RNF14: variants seen among roughly 807,000 people sequenced by gnomAD.
RNF14 encodes the protein ring finger protein 14.
In RNF14, 26 loss-of-function variants were observed where a neutral mutation model predicts 52.6. That is an observed-to-expected ratio of 0.49 (90% CI 0.36 to 0.69). RNF14 has a LOEUF of 0.69. RNF14 is among the 30% of genes least tolerant of loss of function. The pLI, the probability that RNF14 is intolerant of heterozygous loss-of-function variation, is 0.00. For synonymous variants in RNF14, 194 were observed against 202.0 expected, an observed-to-expected ratio of 0.96 and a Z score of 0.34; for missense variants, 404 against 560.4, an observed-to-expected ratio of 0.72 and a Z score of 2.82.
At chr5:141,980,015 T>G in intron 5 of RNF14, 108 bp from the exon 6 acceptor site, 1 of 821,848 alleles carries the variant, frequency 1.2e-6, no homozygotes, top group Non-Finnish European at 2.0e-6. Context: ...GAAAGAGAGG[T>G]TTTAATTTAT....
intron 1 of RNF14, among the ~76,000 whole-genome samples, chr5:141,960,207 G>T (rs991786959): frequency 1.3e-5 from 2 of 152,146 alleles, no homozygotes; most frequent in Admixed American, 1.3e-4. Context: ...TATCCGCCCC[G>T]CAATCGTCCC....
chr5:141,975,439 CAAAT>C (rs1561548407), intron 4 of RNF14, among the ~76,000 whole-genome samples: 3 of 152,092 alleles, frequency 2.0e-5, no homozygotes, highest in African/African-American at 7.2e-5. Context: ...GTATTAATAA[CAAAT>C]AACAGTCAAC....
chr5:141,980,086 A>C (rs1187021032), intron 5 of RNF14, 37 bp from the exon 6 acceptor site: 1 of 1,555,890 alleles, frequency 6.4e-7, no homozygotes, highest in Non-Finnish European at 8.9e-7. Flanking sequence ...CTGGTTGTGG[A>C]ATCATCAAAC....
upstream of RNF14, chr5:141,955,274 G>A (rs760027626): frequency 1.9e-5 from 30 of 1,614,066 alleles, no homozygotes; most frequent in Middle Eastern, 1.6e-4. The surrounding 1 kb of genome is among the most constrained non-coding windows in gnomAD (Gnocchi z 5.5). Flanking sequence ...AGGTTCTCCC[G>A]GGAGGCATTC....
At chr5:141,974,726 T>G (rs1754091698) in intron 3 of RNF14, 78 bp from the exon 4 acceptor site, 3 of 1,377,094 alleles carry the variant, frequency 2.2e-6, no homozygotes, top group Non-Finnish European at 3.0e-6. Context: ...CATTAAGTCT[T>G]TCTTGAGCGC....
upstream of RNF14, among the ~76,000 whole-genome samples, chr5:141,961,853 T>A (rs551628654): frequency 3.9e-5 from 6 of 152,224 alleles, no homozygotes; most frequent in African/African-American, 1.4e-4. Flanking sequence ...CCAGGCCAGC[T>A]GAATGAAGGC....
At chr5:141,959,409 A>G (rs1163171631) in intron 1 of RNF14, among the ~76,000 whole-genome samples, 1 of 152,104 alleles carries the variant, frequency 6.6e-6, no homozygotes, top group Non-Finnish European at 1.5e-5. Flanking sequence ...AGGTGGCCTT[A>G]TTGCTTCTTA....
At chr5:141,956,002 A>C (rs1330184514), upstream of RNF14, 10 of 1,614,066 alleles carry the variant, frequency 6.2e-6, no homozygotes, top group Admixed American at 1.7e-4. Context: ...GGTTGTCAAA[A>C]GGAATGGCCG....
At position 141,988,585 on chromosome 5, in the gene RNF14, TTC is replaced by T. The variant is rs1314571724; in HGVS notation, c.*803_*804del. On this transcript the variant is annotated 3_prime_UTR_variant, in exon 9 of 9. Coordinates refer to ENST00000394520, the MANE Select transcript of RNF14 (RefSeq NM_004290.5). ...TTGTCTTTGCTACTTTTGTTCCACA[TTC>T]TCTCTCTTTACCTTTGCCCTACCTT... 1 of 152,334 alleles carries T rather than the reference TTC, an allele frequency of 6.6e-6. No individual in the cohort carries two copies. Among genetic ancestry groups the T allele is most frequent in the Non-Finnish European group, 1.5e-5 (1 of 68,048 alleles). The allele number at this position is 152,334 out of a possible 1,614,324, so 9.4% of individuals were successfully genotyped here.
chr5:141,956,730 A>T, upstream of RNF14: 1 of 1,614,234 alleles, frequency 6.2e-7, no homozygotes, highest in African/African-American at 1.3e-5. Flanking sequence ...CCATGACAAG[A>T]GCAATAAAAC....
upstream of RNF14, chr5:141,956,011 C>T (rs149124110): frequency 3.2e-5 from 51 of 1,613,980 alleles, no homozygotes; most frequent in Admixed American, 5.0e-5. Flanking sequence ...AAGGAATGGC[C>T]GGGAGCTGTG....
upstream of RNF14, chr5:141,957,971 C>T (rs72796042): frequency 6.0e-3 from 6,956 of 1,159,046 alleles, 24 homozygotes; most frequent in Non-Finnish European, 7.2e-3. This position sits in a 1 kb window ranked among gnomAD's most constrained non-coding sequence, Gnocchi z 4.3. Flanking sequence ...GAGCTGCCGG[C>T]ACAACCTTGT....
At position 141,978,968 on chromosome 5, in the gene RNF14, A is replaced by G. The variant is rs1244121146; in HGVS notation, c.834+138A>G. The G allele has an allele frequency of 1.4e-5, 12 of 871,342 alleles. No homozygotes were observed. The East Asian group carries it at 3.1e-4, about 23-fold the overall frequency. The allele number at this position is 871,342 out of a possible 1,614,324, so 54.0% of individuals were successfully genotyped here. On this transcript the variant is annotated intron_variant, in intron 5 of 8. Coordinates refer to ENST00000394520, the MANE Select transcript of RNF14 (RefSeq NM_004290.5). ...GCCCACAAGTTGTTTTGCTGTATCC[A>G]TTAAAAATGCTATGGTCTTAGTCTA...
upstream of RNF14, chr5:141,956,085 C>T (rs1316161412): frequency 1.7e-5 from 28 of 1,614,038 alleles, no homozygotes; most frequent in Non-Finnish European, 2.2e-5. Context: ...CGATGGGCAC[C>T]AGCAGGTGGC....
intron 5 of RNF14, 97 bp downstream of exon 5, chr5:141,978,927 C>T (rs1010188968): frequency 1.2e-5 from 16 of 1,349,258 alleles, no homozygotes; most frequent in African/African-American, 2.9e-5. Context: ...TGGGGCAGTC[C>T]GAGGCCTTGG....
intron 6 of RNF14, among the ~76,000 whole-genome samples, chr5:141,981,015 G>A (rs756508068): frequency 4.3e-4 from 65 of 152,268 alleles, no homozygotes; most frequent in Admixed American, 2.6e-4. Context: ...TCCAGTCTAC[G>A]TAAGGAATCA....
At chr5:141,985,146 CAA>C (rs1755122323) in intron 8 of RNF14, among the ~76,000 whole-genome samples, 1 of 35,128 alleles carries the variant, frequency 2.8e-5, no homozygotes, top group African/African-American at 1.7e-4. Context: ...TGAAAGTTTT[CAA>C]ACACAGAAAA....
At chr5:141,965,646 A>G (rs568333764), upstream of RNF14, among the ~76,000 whole-genome samples, 4 of 152,298 alleles carry the variant, frequency 2.6e-5, no homozygotes, top group East Asian at 7.7e-4. Context: ...CCCTGGCTCC[A>G]CCACTGTGTG....
At chr5:141,978,274 C>A in intron 4 of RNF14, 29 bp from the exon 5 acceptor site, 1 of 1,531,514 alleles carries the variant, frequency 6.5e-7, no homozygotes, top group South Asian at 1.3e-5. Context: ...TTTCCAAACT[C>A]ACCAACATCT....
Sources: allele counts gnomAD v4.1 joint callset (sites outside exome capture counted in the v4.1 genomes callset), GRCh38; gene constraint gnomAD v4.1.1; non-coding constraint Gnocchi (gnomAD v3.1); transcripts MANE v1.5; gene names NCBI Gene and HGNC (gene_info 2026-07-23, HGNC 2026-07-21).